SOCS4: variants seen among roughly 807,000 people sequenced by gnomAD.
SOCS4 encodes the protein suppressor of cytokine signaling 4.
In SOCS4, 20 loss-of-function variants were observed where a neutral mutation model predicts 34.1. That is an observed-to-expected ratio of 0.59 (90% CI 0.41 to 0.85). SOCS4 has a LOEUF of 0.85. Among genes scored for constraint, SOCS4 ranks in the 40% least tolerant of loss-of-function variants. The pLI, the probability that SOCS4 is intolerant of heterozygous loss-of-function variation, is 0.00. For synonymous variants in SOCS4, 180 were observed against 186.4 expected (o/e 0.97, Z 0.28); for missense variants, 479 against 532.4 (o/e 0.90, Z 0.99).
Position 55,027,312 on chromosome 14 carries a change from G to T in SOCS4, c.-379G>T. 1 of 188,944 alleles carries T rather than the reference G, an allele frequency of 5.3e-6. No homozygotes were observed. Among genetic ancestry groups the T allele is most frequent in the Non-Finnish European group, 1.1e-5 (1 of 89,048 alleles). 11.7% of individuals were successfully genotyped at this position (188,944 alleles called of 1,614,324 possible). A position where few individuals can be genotyped will look rare whatever the true frequency, so the allele number is the denominator to read the frequency against. On this transcript the variant is annotated 5_prime_UTR_variant, in exon 1 of 3. Transcript: ENST00000555846. ...GCTGGGTTGGGACCGGAACGCCGAA[G>T]CGGGGTTGGGGGTGGCAGAAAAGCA...
chr14:55,032,391 A>G (rs1484680501), intron 2 of SOCS4, among the ~76,000 whole-genome samples: 3 of 152,146 alleles, frequency 2.0e-5, no homozygotes, highest in Non-Finnish European at 4.4e-5. Context: ...ATGGGCACTC[A>G]TTTTGTTATT....
At chr14:55,030,203 T>A (rs2042516680) in intron 1 of SOCS4, among the ~76,000 whole-genome samples, 1 of 152,178 alleles carries the variant, frequency 6.6e-6, no homozygotes, top group Non-Finnish European at 1.5e-5. Flanking sequence ...TACTAATTTG[T>A]ACGTAAAACT....
rs1372457826 is a variant in SOCS4 at position 55,047,665 on chromosome 14, TTATTATAAA to T, written c.*3304_*3312del. ...GGCTTTCAGTTAAAGTTTTGACTTC[TTATTATAAA>T]TAATATAAAGAATGTCTCAGTAATT... On this transcript the variant is annotated 3_prime_UTR_variant, in exon 3 of 3. Transcript: ENST00000555846. 6.0e-6 allele frequency: 1 copy of T among 167,138 alleles called. No individual in the cohort carries two copies. The highest frequency in any genetic ancestry group is 1.9e-4 in the East Asian group (1 of 5,206). 10.4% of individuals were successfully genotyped at this position (167,138 alleles called of 1,614,324 possible).
In SOCS4 at chr14:55,043,138, A is replaced by G; in HGVS notation, c.97A>G (p.Ser33Gly). 1 of 1,614,260 alleles carries G rather than the reference A, an allele frequency of 6.2e-7. No individual in the cohort carries two copies. Among genetic ancestry groups the G allele is most frequent in the Non-Finnish European group, 8.5e-7 (1 of 1,180,046 alleles). ...CGACAGAAAAGACGGTTATGTGTGG[A>G]GTGGAAAGAAGTTATCTTGGTCAAA... ...SADRKDGYVW[S>G]GKKLSWSKKS... The change falls in exon 3 of 3, where the codon AGT becomes GGT. Residue 33 changes from serine to glycine, a missense_variant. Ser to Gly is a moderately conservative substitution (Grantham distance 56). Coordinates refer to ENST00000555846, the MANE Select transcript of SOCS4 (RefSeq NM_199421.2).
chr14:55,041,847 C>T (rs1450291984), intron 2 of SOCS4, among the ~76,000 whole-genome samples: 3 of 137,116 alleles, frequency 2.2e-5, no homozygotes, highest in Non-Finnish European at 3.1e-5. Context: ...GCTGGAGTGC[C>T]GTGGCGCAGT....
In SOCS4 at chr14:55,048,480, A is replaced by G. The variant is rs1448328519; in HGVS notation, c.*4116A>G. ...AAACTACTGTTTCTACTTTGGGGGAAAAAAGTCAGTTTTACATTTGTAATT... is the reference window on the plus strand; with the variant it reads ...AAACTACTGTTTCTACTTTGGGGGAGAAAAGTCAGTTTTACATTTGTAATT... On this transcript the variant is annotated 3_prime_UTR_variant, in exon 3 of 3. Transcript: ENST00000555846. The G allele has an allele frequency of 6.0e-6, 1 of 167,104 alleles. No homozygotes were observed. Among genetic ancestry groups the G allele is most frequent in the African/African-American group, 2.4e-5 (1 of 41,600 alleles). The allele number at this position is 167,104 out of a possible 1,614,324, so 10.4% of individuals were successfully genotyped here. A position where few individuals can be genotyped will look rare whatever the true frequency, so the allele number is the denominator to read the frequency against.
chr14:55,030,024 G>A (rs934436099), intron 1 of SOCS4, among the ~76,000 whole-genome samples: 2 of 152,106 alleles, frequency 1.3e-5, no homozygotes, highest in Admixed American at 1.3e-4. Context: ...CAGAAAAGTT[G>A]TGATTTATCT....
chr14:55,030,105 A>G (rs1266823847), intron 1 of SOCS4, among the ~76,000 whole-genome samples: 2 of 152,170 alleles, frequency 1.3e-5, no homozygotes, highest in African/African-American at 2.4e-5. Flanking sequence ...CACCTAGTCC[A>G]AGGTAGTCTA....
chr14:55,036,468 C>A (rs1019232466), intron 2 of SOCS4, among the ~76,000 whole-genome samples: 1 of 151,874 alleles, frequency 6.6e-6, no homozygotes, highest in Non-Finnish European at 1.5e-5. Context: ...CTCAGCCCCC[C>A]GAGTAGCTGG....
At chr14:55,029,413 G>C (rs1212641) in intron 1 of SOCS4, among the ~76,000 whole-genome samples, 113,413 of 152,056 alleles carry the variant, frequency 0.75, 42,756 homozygotes, top group South Asian at 0.87. Flanking sequence ...GTCACAGATT[G>C]AATTGCAGTG....
intron 2 of SOCS4, among the ~76,000 whole-genome samples, chr14:55,035,569 G>A (rs2042565468): frequency 6.6e-6 from 1 of 152,172 alleles, no homozygotes; most frequent in Non-Finnish European, 1.5e-5. Flanking sequence ...GAAGAAAACT[G>A]TAAAGCCAAT....
intron 2 of SOCS4, among the ~76,000 whole-genome samples, chr14:55,036,534 G>T (rs2042573577): frequency 6.6e-6 from 1 of 151,926 alleles, no homozygotes; most frequent in Admixed American, 6.6e-5. Context: ...AGTAGAGACG[G>T]GGTTTTACCA....
chr14:55,042,222 G>A (rs1447985522), intron 2 of SOCS4, among the ~76,000 whole-genome samples: 1 of 152,190 alleles, frequency 6.6e-6, no homozygotes, highest in African/African-American at 2.4e-5. Flanking sequence ...AGGAAAGGCA[G>A]TGCCTTATAG....
In SOCS4 at chr14:55,028,785, G is replaced by T. The variant is rs558772517; in HGVS notation, c.-220+1314G>T. 4.6e-5 allele frequency among the ~76,000 whole-genome samples: 7 copies of T among 152,222 alleles called. No homozygotes were observed. In the East Asian group the frequency reaches 1.4e-3, roughly 29 times the overall value. ...ATGTATGGTAAAAGCTTGAGCCTCCGAGTTTAACAGTCCTGGGTTTTAATT... is the reference window on the plus strand; with the variant it reads ...ATGTATGGTAAAAGCTTGAGCCTCCTAGTTTAACAGTCCTGGGTTTTAATT... On this transcript the variant is annotated intron_variant, in intron 1 of 2. Transcript: ENST00000555846.
At position 55,046,456 on chromosome 14, in the gene SOCS4, T is replaced by G. The variant is rs1038149931; in HGVS notation, c.*2092T>G. The G allele has an allele frequency of 6.0e-6, 1 of 166,730 alleles. No individual in the cohort carries two copies. The highest frequency in any genetic ancestry group is 1.5e-5 in the Non-Finnish European group (1 of 67,840). The allele number at this position is 166,730 out of a possible 1,614,324, so 10.3% of individuals were successfully genotyped here. On this transcript the variant is annotated 3_prime_UTR_variant, in exon 3 of 3. Transcript: ENST00000555846. ...CTAAGGGATGACTAGCTTACAAATA[T>G]TCTGTTAAGGGGTAGTTTTATAAAG...
At chr14:55,039,828 C>T (rs1372397367) in intron 2 of SOCS4, among the ~76,000 whole-genome samples, 2 of 151,974 alleles carry the variant, frequency 1.3e-5, no homozygotes, top group African/African-American at 4.8e-5. Flanking sequence ...CCCAGGAGGT[C>T]GAGCTTGCAG....
In SOCS4 at chr14:55,043,677, C is replaced by T. The variant is rs1354201700; in HGVS notation, c.636C>T (p.Gly212=). Residue 212 remains glycine (G), a synonymous_variant, in exon 3 of 3, where the codon GGC becomes GGT. Transcript: ENST00000555846. ...TGTGTAGAGAAGGTCCTATGACTGG[C>T]TCTGTGATGAACCTGGTTTCAAATA... ...NALCREGPMT[G]SVMNLVSNNS... 3 of 1,614,128 alleles carry T rather than the reference C, an allele frequency of 1.9e-6. No individual in the cohort carries two copies. Among genetic ancestry groups the T allele is most frequent in the Admixed American group, 1.7e-5 (1 of 60,024 alleles).
chr14:55,030,359 T>C (rs1253773470), intron 1 of SOCS4, among the ~76,000 whole-genome samples: 1 of 152,152 alleles, frequency 6.6e-6, no homozygotes, highest in Non-Finnish European at 1.5e-5. Flanking sequence ...TTTAAAGAAT[T>C]TAAAACTTTT....
At position 55,043,006 on chromosome 14, in the gene SOCS4, G is replaced by A; in HGVS notation, c.-36G>A. On this transcript the variant is annotated 5_prime_UTR_variant, in exon 3 of 3. Transcript: ENST00000555846. ...TCCTGCTGGAAAAAATGAAAAAGCAGTATTTATAACATTAGAATCTGGATA... is the reference window on the plus strand; with the variant it reads ...TCCTGCTGGAAAAAATGAAAAAGCAATATTTATAACATTAGAATCTGGATA... 6.5e-7 allele frequency: 1 copy of A among 1,547,946 alleles called. No individual in the cohort carries two copies. Among genetic ancestry groups the A allele is most frequent in the South Asian group, 1.2e-5 (1 of 81,724 alleles).
Sources: allele counts gnomAD v4.1 joint callset (sites outside exome capture counted in the v4.1 genomes callset), GRCh38; gene constraint gnomAD v4.1.1; transcripts MANE v1.5; gene names NCBI Gene and HGNC (gene_info 2026-07-23, HGNC 2026-07-21).